Variants in OR1A1 observed in about 807,000 individuals in gnomAD.
The protein encoded by OR1A1 is olfactory receptor 1A1.
For missense variants in OR1A1, 391 were observed against 379.9 expected (o/e 1.03, Z -0.24); for synonymous variants, 145 against 147.8 (o/e 0.98, Z 0.13).
chr17:3,216,484 C>G lies in OR1A1; in HGVS notation c.864C>G (p.Tyr288Ter). The G allele has an allele frequency of 6.2e-7, 1 of 1,614,110 alleles. No individual in the cohort carries two copies. Among genetic ancestry groups the G allele is most frequent in the African/African-American group, 1.3e-5 (1 of 75,024 alleles). ...AVTPMLNPFIYSLRNRDMKAA... is the reference protein window; with the variant it reads ...AVTPMLNPFI ...CCCCAATGTTAAATCCTTTCATCTA[C>G]AGTCTGAGAAATCGGGACATGAAGG... Residue 288 changes from tyrosine to a stop codon, truncating the protein, a stop_gained, in exon 4 of 4, where the codon TAC becomes TAG. Transcript: ENST00000641732. LOFTEE classifies it high-confidence loss of function.
rs2048471597 is a variant in OR1A1 at position 3,216,572 on chromosome 17, G to A, written c.*22G>A. 1 of 1,567,410 alleles carries A rather than the reference G, an allele frequency of 6.4e-7. No homozygotes were observed. The highest frequency in any genetic ancestry group is 1.2e-5 in the South Asian group (1 of 86,862). The stretch of plus-strand genomic sequence containing the variant: ...GTAACCAATGTGAGGGCCTACATTG[G>A]ATACCGTAGTCACCAGTTACGGTAT... On this transcript the variant is annotated 3_prime_UTR_variant, in exon 4 of 4. Coordinates refer to ENST00000641732, the MANE Select transcript of OR1A1 (RefSeq NM_014565.3).
intron 1 of OR1A1, 150 bp downstream of exon 1, chr17:3,208,150 GAGAT>G (rs1156574210): frequency 1.5e-5 from 2 of 137,652 alleles, no homozygotes; most frequent in Non-Finnish European, 3.3e-5. Context: ...GGACAAGAGA[GAGAT>G]AGAGATAGAG....
At chr17:3,211,047 T>C (rs1237106809) in intron 2 of OR1A1, among the ~76,000 whole-genome samples, 2 of 152,216 alleles carry the variant, frequency 1.3e-5, no homozygotes, top group Non-Finnish European at 2.9e-5. Flanking sequence ...TCTGTATAAC[T>C]TCTCATATAT....
Position 3,217,168 on chromosome 17 carries a change from C to G in OR1A1, c.*618C>G, listed in dbSNP as rs1288713338. On this transcript the variant is annotated 3_prime_UTR_variant, in exon 4 of 4. Transcript: ENST00000641732. ...ATCCTTTAAACCTTTCAAGAAACTC[C>G]CATTCACAAATGCTACAAAGGGAAT... 6.6e-6 allele frequency: 1 copy of G among 152,074 alleles called. No homozygotes were observed. The highest frequency in any genetic ancestry group is 1.5e-5 in the Non-Finnish European group (1 of 68,020). 9.4% of individuals were successfully genotyped at this position (152,074 alleles called of 1,614,324 possible).
intron 1 of OR1A1, among the ~76,000 whole-genome samples, chr17:3,208,371 G>A (rs1399286028): frequency 6.6e-6 from 1 of 152,102 alleles, no homozygotes; most frequent in Non-Finnish European, 1.5e-5. Flanking sequence ...GTAAGAGAGA[G>A]CGAGAGCACC....
Position 3,216,060 on chromosome 17 carries a change from G to T in OR1A1, c.440G>T (p.Gly147Val). The T allele has an allele frequency of 6.2e-7, 1 of 1,614,088 alleles. No homozygotes were observed. Among genetic ancestry groups the T allele is most frequent in the Non-Finnish European group, 8.5e-7 (1 of 1,180,014 alleles). ...SPRSCIWLIA[G>V]SWVIGNANAL... ...CGGTCTTGTATCTGGCTTATTGCTGGGTCTTGGGTGATTGGAAATGCCAAT... is the reference window on the plus strand; with the variant it reads ...CGGTCTTGTATCTGGCTTATTGCTGTGTCTTGGGTGATTGGAAATGCCAAT... The change falls in exon 4 of 4, where the codon GGG becomes GTG. Residue 147 changes from glycine (G) to valine (V), a missense_variant. Physicochemically the swap from Gly to Val is moderately radical, Grantham distance 109 (BLOSUM62 -3). Transcript: ENST00000641732.
In OR1A1 at chr17:3,210,959, T is replaced by C. The variant is rs62090943; in HGVS notation, c.-138-1508T>C. Among the ~76,000 whole-genome samples, 138 of 152,320 alleles carry C rather than the reference T, an allele frequency of 9.1e-4. 1 individual carries two copies. The highest frequency in any genetic ancestry group is 3.4e-3 in the Middle Eastern group (1 of 294). On this transcript the variant is annotated intron_variant, in intron 2 of 3. Transcript: ENST00000641732. ...GAAATCAATTCCTATCTTGATAGCATACACAAATTTTCCCTTTATTTTCCA... is the reference window on the plus strand; with the variant it reads ...GAAATCAATTCCTATCTTGATAGCACACACAAATTTTCCCTTTATTTTCCA...
Position 3,218,369 on chromosome 17 carries a change from C to G in OR1A1, c.*1819C>G, listed in dbSNP as rs929991674. The G allele has an allele frequency of 1.3e-5, 2 of 152,198 alleles. No individual in the cohort carries two copies. The highest frequency in any genetic ancestry group is 4.1e-4 in the South Asian group (2 of 4,822). The allele number at this position is 152,198 out of a possible 1,614,324, so 9.4% of individuals were successfully genotyped here. ...CATGGAAGACAGTGTGGTGACTCCTCAAGGATCTAGAACCACAAATACCAT... is the reference window on the plus strand; with the variant it reads ...CATGGAAGACAGTGTGGTGACTCCTGAAGGATCTAGAACCACAAATACCAT... On this transcript the variant is annotated 3_prime_UTR_variant, in exon 4 of 4. Coordinates refer to ENST00000641732, the MANE Select transcript of OR1A1 (RefSeq NM_014565.3).
At chr17:3,211,578 C>T (rs759920269) in intron 2 of OR1A1, among the ~76,000 whole-genome samples, 10 of 152,006 alleles carry the variant, frequency 6.6e-5, no homozygotes, top group East Asian at 3.9e-4. Flanking sequence ...TCAGGTAATC[C>T]GCCTGCTTCG....
Position 3,216,377 on chromosome 17 carries a change from A to G in OR1A1, c.757A>G (p.Thr253Ala), listed in dbSNP as rs2048469658. ...CACGGTTGTCTCTTTGTATTATGGT[A>G]CAGTCATGGGCACGTATTTCCGCCC... ...HLTVVSLYYG[T>A]VMGTYFRPLT... The change falls in exon 4 of 4, where the codon ACA becomes GCA. Residue 253 changes from threonine to alanine, a missense_variant. By Grantham distance (58) the Thr-to-Ala change is moderately conservative (BLOSUM62 0). Transcript: ENST00000641732. 2 of 1,614,076 alleles carry G rather than the reference A, an allele frequency of 1.2e-6. No homozygotes were observed. Among genetic ancestry groups the G allele is most frequent in the Non-Finnish European group, 1.7e-6 (2 of 1,180,034 alleles).
intron 3 of OR1A1, chr17:3,214,746 A>C (rs983920613): frequency 6.6e-6 from 1 of 152,172 alleles, no homozygotes; most frequent in African/African-American, 2.4e-5. Context: ...CAATGGTTGA[A>C]GCCACTAAGC....
rs978506034 is a variant in OR1A1 at position 3,218,274 on chromosome 17, T to C, written c.*1724T>C. The stretch of plus-strand genomic sequence containing the variant: ...CATTAAAAAGTAAGGAAACAACATA[T>C]GCTGGAGAGGATGTGGAGAAATAGG... On this transcript the variant is annotated 3_prime_UTR_variant, in exon 4 of 4. Transcript: ENST00000641732. 6.6e-6 allele frequency: 1 copy of C among 152,122 alleles called. No individual in the cohort carries two copies. The highest frequency in any genetic ancestry group is 2.4e-5 in the African/African-American group (1 of 41,428). The allele number at this position is 152,122 out of a possible 1,614,324, so 9.4% of individuals were successfully genotyped here. A position where few individuals can be genotyped will look rare whatever the true frequency, so the allele number is the denominator to read the frequency against.
In OR1A1 at chr17:3,216,565, T is replaced by A; in HGVS notation, c.*15T>A. 1 of 1,579,674 alleles carries A rather than the reference T, an allele frequency of 6.3e-7. No individual in the cohort carries two copies. The highest frequency in any genetic ancestry group is 2.2e-5 in the East Asian group (1 of 44,624). On this transcript the variant is annotated 3_prime_UTR_variant, in exon 4 of 4. Transcript: ENST00000641732. Reference sequence around the variant, plus strand: ...TCTCCTCGTAACCAATGTGAGGGCCTACATTGGATACCGTAGTCACCAGTT... The same window carrying A: ...TCTCCTCGTAACCAATGTGAGGGCCAACATTGGATACCGTAGTCACCAGTT...
chr17:3,214,128 C>T (rs2048455273), intron 3 of OR1A1: 1 of 151,984 alleles, frequency 6.6e-6, no homozygotes, highest in Admixed American at 6.6e-5. Context: ...TGTGAGCATC[C>T]CACATATGGG....
chr17:3,209,321 A>G (rs2048429220), intron 2 of OR1A1, among the ~76,000 whole-genome samples: 2 of 152,160 alleles, frequency 1.3e-5, no homozygotes, highest in Admixed American at 6.5e-5. Flanking sequence ...CACTTAGAAT[A>G]ATACAACATA....
intron 3 of OR1A1, 30 bp from the exon 4 acceptor site, chr17:3,215,586 A>G: frequency 6.8e-7 from 1 of 1,473,664 alleles, no homozygotes; most frequent in Non-Finnish European, 9.4e-7. Flanking sequence ...TGCTAATATA[A>G]TGATATTCCT....
intron 3 of OR1A1, chr17:3,214,555 A>C (rs1162527594): frequency 6.6e-6 from 1 of 151,458 alleles, no homozygotes; most frequent in Non-Finnish European, 1.5e-5. Flanking sequence ...AAAAAAGAAA[A>C]TATTCCATAA....
At position 3,215,970 on chromosome 17, in the gene OR1A1, C is replaced by T. The variant is rs1486490338; in HGVS notation, c.350C>T (p.Ala117Val). ...AACACAGACAGCTATATTTTGGCTGCAATGGCATATGATCGAGCTGTGGCC... is the reference window on the plus strand; with the variant it reads ...AACACAGACAGCTATATTTTGGCTGTAATGGCATATGATCGAGCTGTGGCC... ...LGNTDSYILA[A>V]MAYDRAVAIS... Residue 117 changes from alanine to valine, a missense_variant, in exon 4 of 4, where the codon GCA (alanine) becomes GTA (valine). Physicochemically the swap from Ala to Val is moderately conservative, Grantham distance 64. Transcript: ENST00000641732. 2 of 1,614,052 alleles carry T rather than the reference C, an allele frequency of 1.2e-6. No homozygotes were observed. Among genetic ancestry groups the T allele is most frequent in the Non-Finnish European group, 1.7e-6 (2 of 1,180,040 alleles).
intron 2 of OR1A1, among the ~76,000 whole-genome samples, chr17:3,211,972 T>C (rs1349373864): frequency 1.3e-5 from 2 of 149,272 alleles, no homozygotes; most frequent in East Asian, 4.2e-4. Context: ...TTCCATTTTC[T>C]AATTTAGTGT....
Sources: gnomAD v4.1 joint callset for allele counts (sites outside exome capture counted in the v4.1 genomes callset) on GRCh38, gnomAD v4.1.1 for gene constraint, MANE v1.5 for transcripts, NCBI Gene and HGNC (gene_info 2026-07-23, HGNC 2026-07-21) for gene names.